CFAP61: variants seen among roughly 807,000 people sequenced by gnomAD.
The protein encoded by CFAP61 is cilia- and flagella-associated protein 61.
Under a neutral mutation model 135.6 loss-of-function variants are expected in CFAP61, and 107 were observed. The observed-to-expected ratio is 0.79, with a 90% CI of 0.67 to 0.93. The LOEUF (loss-of-function observed/expected upper bound fraction) is 0.93, where lower values mean the gene tolerates loss of function less well. Among genes scored for constraint, CFAP61 ranks in the 40% least tolerant of loss-of-function variants. The probability of loss-of-function intolerance (pLI) is 0.00; values close to 1 mark genes in which losing one functional copy is unlikely to be tolerated. For synonymous variants in CFAP61, 575 were observed against 578.5 expected, an observed-to-expected ratio of 0.99 and a Z score of 0.09; for missense variants, 1,507 against 1,556.2, an observed-to-expected ratio of 0.97 and a Z score of 0.53.
At position 20,288,847 on chromosome 20, in the gene CFAP61, A is replaced by G; in HGVS notation, c.3035A>G (p.His1012Arg). Residue 1012 changes from histidine to arginine, a missense_variant, in exon 23 of 27, where the codon CAT (histidine) becomes CGT (arginine). Transcript: ENST00000245957. ...TTTCAGCTGGCAGCAGCTATGCTAC[A>G]TCTCTTTGATCCAACCCTTGAGCCT... is the stretch of plus-strand genomic sequence containing the variant. ...IGFQLAAAML[H>R]LFDPTLEPVT... The G allele has an allele frequency of 1.2e-6, 2 of 1,614,216 alleles. No individual in the cohort carries two copies. The highest frequency in any genetic ancestry group is 8.5e-7 in the Non-Finnish European group (1 of 1,180,042).
intron 21 of CFAP61, 81 bp from the exon 22 acceptor site, chr20:20,277,085 G>A (rs1569229698): frequency 9.0e-7 from 1 of 1,113,514 alleles, no homozygotes; most frequent in Non-Finnish European, 1.3e-6. Context: ...GTTATACGGA[G>A]CAATTCGGCA....
intron 8 of CFAP61, among the ~76,000 whole-genome samples, chr20:20,123,181 G>T (rs1250718783): frequency 1.3e-5 from 2 of 151,528 alleles, no homozygotes; most frequent in Non-Finnish European, 2.9e-5. Context: ...TCCTTTGTCA[G>T]ATGTACAGAT....
intron 1 of CFAP61, chr20:20,056,159 AG>A (rs1195217247): frequency 1.6e-6 from 1 of 615,138 alleles, no homozygotes; most frequent in Non-Finnish European, 2.8e-6. Flanking sequence ...ACTTAACCAC[AG>A]AACTTTTTTG....
intron 2 of CFAP61, among the ~76,000 whole-genome samples, chr20:20,065,550 T>C (rs2045183947): frequency 6.6e-6 from 1 of 151,354 alleles, no homozygotes; most frequent in Non-Finnish European, 1.5e-5. Context: ...ATTTTTTATA[T>C]TAGGCAACTC....
intron 8 of CFAP61, among the ~76,000 whole-genome samples, chr20:20,129,717 T>G (rs1206487502): frequency 6.6e-6 from 1 of 151,636 alleles, no homozygotes. Context: ...TTTCTGTATC[T>G]TATAGACAGT....
At chr20:20,117,426 A>G (rs1034646070) in intron 8 of CFAP61, among the ~76,000 whole-genome samples, 5 of 152,214 alleles carry the variant, frequency 3.3e-5, no homozygotes, top group Non-Finnish European at 5.9e-5. Context: ...TGAGTTCTCT[A>G]TTCTGTTCCA....
intron 17 of CFAP61, among the ~76,000 whole-genome samples, chr20:20,212,521 G>A (rs180982641): frequency 6.6e-5 from 10 of 152,302 alleles, no homozygotes; most frequent in African/African-American, 2.4e-4. Context: ...TGCACCAGAA[G>A]CCAGGTGGGT....
intron 22 of CFAP61, among the ~76,000 whole-genome samples, chr20:20,279,060 C>T (rs1353523159): frequency 6.6e-6 from 1 of 152,108 alleles, no homozygotes; most frequent in Non-Finnish European, 1.5e-5. Context: ...TGGAAGATTG[C>T]CACGTTTATT....
chr20:20,172,277 TTA>T (rs2054278338), intron 13 of CFAP61: 1 of 984,026 alleles, frequency 1.0e-6, no homozygotes, highest in Non-Finnish European at 1.2e-6. Flanking sequence ...TGACTTTGCA[TTA>T]TGTCTATCTG....
At chr20:20,203,838 G>C (rs1383323877) in intron 17 of CFAP61, among the ~76,000 whole-genome samples, 1 of 152,050 alleles carries the variant, frequency 6.6e-6, no homozygotes, top group Admixed American at 6.6e-5. Context: ...TATTAAATGG[G>C]GGTAGATGAG....
chr20:20,238,458 GATA>G (rs1239183608), intron 18 of CFAP61, among the ~76,000 whole-genome samples: 2 of 152,186 alleles, frequency 1.3e-5, no homozygotes, highest in Non-Finnish European at 2.9e-5. Flanking sequence ...ATCGATGTGG[GATA>G]ATAATTTTTT....
At chr20:20,057,537 A>G (rs1162956982) in intron 2 of CFAP61, among the ~76,000 whole-genome samples, 1 of 152,228 alleles carries the variant, frequency 6.6e-6, no homozygotes, top group Non-Finnish European at 1.5e-5. Context: ...GCGCAGGGTC[A>G]AACAGTACGT....
intron 17 of CFAP61, among the ~76,000 whole-genome samples, chr20:20,207,531 A>C (rs961410911): frequency 6.6e-6 from 1 of 152,234 alleles, no homozygotes; most frequent in Non-Finnish European, 1.5e-5. Flanking sequence ...GCTCCCAGGC[A>C]GAAACTGGCC....
chr20:20,096,970 T>C (rs936660043), intron 7 of CFAP61, among the ~76,000 whole-genome samples: 4 of 152,188 alleles, frequency 2.6e-5, no homozygotes, highest in African/African-American at 9.6e-5. Context: ...TTTTTAAAAA[T>C]TCCCCTCATA....
At chr20:20,351,012 GA>G (rs1353149289) in intron 26 of CFAP61, among the ~76,000 whole-genome samples, 1 of 152,196 alleles carries the variant, frequency 6.6e-6, no homozygotes, top group Non-Finnish European at 1.5e-5. Flanking sequence ...TCTCAGTGGT[GA>G]AAAGTTGAAA....
At chr20:20,101,586 CATG>C (rs73617295) in intron 8 of CFAP61, among the ~76,000 whole-genome samples, 10,909 of 152,084 alleles carry the variant, frequency 0.072, 1,517 homozygotes, top group East Asian at 0.63. Context: ...ACACAAGATA[CATG>C]ATGAGTTTTT....
intron 8 of CFAP61, among the ~76,000 whole-genome samples, chr20:20,126,700 T>C (rs1377070645): frequency 6.6e-6 from 1 of 151,894 alleles, no homozygotes; most frequent in Non-Finnish European, 1.5e-5. Flanking sequence ...GCCTAGGCAA[T>C]GATCTTTTTG....
At chr20:20,307,508 A>G (rs374980799) in intron 25 of CFAP61, among the ~76,000 whole-genome samples, 18 of 152,326 alleles carry the variant, frequency 1.2e-4, no homozygotes, top group African/African-American at 4.3e-4. Flanking sequence ...ATTATCCTTT[A>G]TGGAGAGACA....
intron 25 of CFAP61, among the ~76,000 whole-genome samples, chr20:20,318,286 G>C (rs1361847066): frequency 6.6e-6 from 1 of 152,216 alleles, no homozygotes; most frequent in African/African-American, 2.4e-5. Context: ...AGCACACTAA[G>C]TAGGAAGAGA....
Sources: gnomAD v4.1 joint callset for allele counts (sites outside exome capture counted in the v4.1 genomes callset) on GRCh38, gnomAD v4.1.1 for gene constraint, MANE v1.5 for transcripts, NCBI Gene and HGNC (gene_info 2026-07-23, HGNC 2026-07-21) for gene names.